The following CDKAL1 variants were observed in gnomAD, a reference collection of about 807,000 sequenced individuals.
CDKAL1 encodes threonylcarbamoyladenosine tRNA methylthiotransferase.
CDKAL1 carries 32 observed loss-of-function variants against 68.2 expected under a neutral mutation model. The observed-to-expected ratio is 0.47, with a 90% CI of 0.35 to 0.63. The LOEUF (loss-of-function observed/expected upper bound fraction) is 0.63. Ranked by LOEUF, CDKAL1 falls within the 30% of genes least tolerant of loss-of-function variation. The probability of loss-of-function intolerance (pLI) is 0.00; values close to 1 mark genes in which losing one functional copy is unlikely to be tolerated. For missense variants in CDKAL1, 606 were observed against 696.7 expected (o/e 0.87, Z 1.47); for synonymous variants, 234 against 244.3 (o/e 0.96, Z 0.39).
At chr6:20,949,514 A>T (rs1467106273) in intron 9 of CDKAL1, among the ~76,000 whole-genome samples, 1 of 152,138 alleles carries the variant, frequency 6.6e-6, no homozygotes, top group East Asian at 1.9e-4. Flanking sequence ...AAATATACTT[A>T]ATCTGTGCAT....
intron 5 of CDKAL1, among the ~76,000 whole-genome samples, chr6:20,720,748 C>T (rs1202463466): frequency 6.6e-6 from 1 of 152,210 alleles, no homozygotes; most frequent in Non-Finnish European, 1.5e-5. Context: ...GATCTGCCCA[C>T]CTCTGCCTCC....
chr6:20,876,444 C>T (rs1015112416), intron 9 of CDKAL1, among the ~76,000 whole-genome samples: 5 of 152,212 alleles, frequency 3.3e-5, no homozygotes, highest in African/African-American at 1.2e-4. Context: ...ATCCCCAAAA[C>T]CTTCTTTGGC....
At chr6:20,873,287 T>C (rs2150546610) in intron 9 of CDKAL1, among the ~76,000 whole-genome samples, 1 of 152,276 alleles carries the variant, frequency 6.6e-6, no homozygotes, top group East Asian at 1.9e-4. Context: ...CTAGGAAGCT[T>C]ATCAAAAATG....
intron 7 of CDKAL1, among the ~76,000 whole-genome samples, chr6:20,761,675 A>G (rs555728108): frequency 6.6e-6 from 1 of 152,312 alleles, no homozygotes; most frequent in Admixed American, 6.5e-5. Context: ...CTGTAAGGCT[A>G]CATACTCTAT....
At chr6:20,684,104 C>T (rs1284395557) in intron 5 of CDKAL1, among the ~76,000 whole-genome samples, 1 of 152,158 alleles carries the variant, frequency 6.6e-6, no homozygotes, top group African/African-American at 2.4e-5. Context: ...CATTCACTTA[C>T]TGAAGGACAT....
At chr6:20,978,666 T>C (rs1765962652) in intron 10 of CDKAL1, among the ~76,000 whole-genome samples, 2 of 152,336 alleles carry the variant, frequency 1.3e-5, no homozygotes, top group South Asian at 4.1e-4. Context: ...AATTTATTAC[T>C]GAGTGATGAA....
chr6:20,674,679 T>G (rs1291095180), intron 5 of CDKAL1, among the ~76,000 whole-genome samples: 1 of 152,208 alleles, frequency 6.6e-6, no homozygotes, highest in African/African-American at 2.4e-5. Flanking sequence ...ACACTAGAAC[T>G]TATTCCTCCT....
intron 15 of CDKAL1, among the ~76,000 whole-genome samples, chr6:21,205,845 T>TTC (rs1419301279): frequency 1.5e-5 from 2 of 135,138 alleles, no homozygotes; most frequent in East Asian, 4.3e-4. Flanking sequence ...TTTTTTTTTT[T>TTC]TTTTTTTGAG....
chr6:21,220,933 G>A (rs566600602), intron 15 of CDKAL1, among the ~76,000 whole-genome samples: 6 of 152,198 alleles, frequency 3.9e-5, no homozygotes, highest in Admixed American at 1.3e-4. Context: ...TTGGGAGGCC[G>A]AGGTGGGTGG....
At chr6:20,628,993 A>T (rs76604259) in intron 4 of CDKAL1, among the ~76,000 whole-genome samples, 627 of 152,350 alleles carry the variant, frequency 4.1e-3, no homozygotes, top group Middle Eastern at 6.8e-3. Context: ...CATCAGCAAC[A>T]GGGAAATAAC....
intron 12 of CDKAL1, among the ~76,000 whole-genome samples, chr6:21,072,056 G>A (rs966035603): frequency 2.6e-5 from 4 of 152,162 alleles, no homozygotes; most frequent in African/African-American, 9.6e-5. Flanking sequence ...CCACATTAAC[G>A]TACCACCTAG....
At chr6:21,101,190 C>T (rs949290303) in intron 12 of CDKAL1, among the ~76,000 whole-genome samples, 1 of 152,168 alleles carries the variant, frequency 6.6e-6, no homozygotes, top group Non-Finnish European at 1.5e-5. Context: ...AGCTGAAAGA[C>T]AGTAGGGAAC....
At chr6:21,005,831 C>G (rs1405080213) in intron 11 of CDKAL1, among the ~76,000 whole-genome samples, 2 of 152,064 alleles carry the variant, frequency 1.3e-5, no homozygotes, top group Non-Finnish European at 2.9e-5. Flanking sequence ...CAGTGAAATA[C>G]CACAGCTAAT....
At chr6:20,895,716 C>A (rs941687246) in intron 9 of CDKAL1, among the ~76,000 whole-genome samples, 1 of 152,190 alleles carries the variant, frequency 6.6e-6, no homozygotes, top group African/African-American at 2.4e-5. Flanking sequence ...CATGGTTAAA[C>A]TGCCACTGTT....
intron 12 of CDKAL1, among the ~76,000 whole-genome samples, chr6:21,074,436 G>T (rs1332856331): frequency 6.6e-6 from 1 of 152,174 alleles, no homozygotes; most frequent in Non-Finnish European, 1.5e-5. Context: ...ACATTCTGAA[G>T]TACTGGGGAT....
intron 4 of CDKAL1, among the ~76,000 whole-genome samples, chr6:20,581,958 C>CA (rs1328818740): frequency 6.6e-6 from 1 of 152,150 alleles, no homozygotes; most frequent in African/African-American, 2.4e-5. Context: ...GGAAAGCCCC[C>CA]AATCCCTTTA....
rs146223187 is a variant in CDKAL1, at chr6:21,105,193, C to A, written c.1237-3208C>A. Among the ~76,000 whole-genome samples the A allele has an allele frequency of 5.1e-4, 77 of 152,276 alleles. 3 individuals are homozygous for A. The highest frequency in any genetic ancestry group is 1.6e-3 in the African/African-American group (65 of 41,552). ...TATAAGCTAATGAAATTTTGATGGG[C>A]AAATGACCTGTTCAAAGCAGATTCC... is the stretch of plus-strand genomic sequence containing the variant. On this transcript the variant is annotated intron_variant, in intron 12 of 15. Coordinates refer to ENST00000274695, the MANE Select transcript of CDKAL1 (RefSeq NM_017774.3).
chr6:21,015,357 A>G (rs1256614717), intron 11 of CDKAL1, among the ~76,000 whole-genome samples: 3 of 152,190 alleles, frequency 2.0e-5, no homozygotes, highest in Non-Finnish European at 4.4e-5. Context: ...TTAAAGCAAA[A>G]TGCTTTTAGT....
intron 12 of CDKAL1, among the ~76,000 whole-genome samples, chr6:21,069,328 T>C (rs1008478480): frequency 2.6e-5 from 4 of 152,214 alleles, no homozygotes; most frequent in Non-Finnish European, 5.9e-5. Context: ...TTCCTATTTT[T>C]CCCTGTGTCT....
Sources: allele counts gnomAD v4.1 joint callset (sites outside exome capture counted in the v4.1 genomes callset), GRCh38; gene constraint gnomAD v4.1.1; transcripts MANE v1.5; gene names NCBI Gene and HGNC (gene_info 2026-07-23, HGNC 2026-07-21).